The following PPP3CC variants were observed in gnomAD, a reference collection of about 807,000 sequenced individuals.
PPP3CC encodes the protein protein phosphatase 3 catalytic subunit gamma, also known as serine/threonine-protein phosphatase 2B catalytic subunit gamma isoform.
Under a neutral mutation model 60.3 loss-of-function variants are expected in PPP3CC, and 35 were observed. The observed-to-expected ratio is 0.58, with a 90% CI of 0.44 to 0.77. PPP3CC has a LOEUF of 0.77. Among genes scored for constraint, PPP3CC ranks in the 30% least tolerant of loss-of-function variants. The probability of loss-of-function intolerance (pLI) is 0.00; values close to 1 mark genes in which losing one functional copy is unlikely to be tolerated. For missense variants in PPP3CC, 570 were observed against 628.9 expected (o/e 0.91, Z 1.00); for synonymous variants, 206 against 224.3 (o/e 0.92, Z 0.73).
intron 3 of PPP3CC, among the ~76,000 whole-genome samples, chr8:22,486,324 A>G (rs1441212781): frequency 6.6e-6 from 1 of 152,114 alleles, no homozygotes; most frequent in Non-Finnish European, 1.5e-5. Flanking sequence ...TCCCAGCCCC[A>G]GGGAATGAAT....
At chr8:22,504,797 C>G (rs1838864697) in intron 4 of PPP3CC, among the ~76,000 whole-genome samples, 4 of 149,356 alleles carry the variant, frequency 2.7e-5, no homozygotes, top group Admixed American at 2.0e-4. Context: ...TTACTACAGC[C>G]TCAACCTCCC....
intron 1 of PPP3CC, among the ~76,000 whole-genome samples, chr8:22,442,550 T>G (rs4872503): frequency 0.01 from 1,534 of 152,332 alleles, 28 homozygotes; most frequent in East Asian, 0.085. Flanking sequence ...TCATAAATGT[T>G]AATTATCTGT....
intron 3 of PPP3CC, among the ~76,000 whole-genome samples, chr8:22,476,898 C>G (rs558233235): frequency 1.3e-5 from 2 of 149,284 alleles, no homozygotes; most frequent in South Asian, 2.1e-4. Context: ...CGCCTCTGCA[C>G]TCCAGCCTGG....
chr8:22,484,408 T>C (rs1243438674), intron 3 of PPP3CC, among the ~76,000 whole-genome samples: 1 of 152,156 alleles, frequency 6.6e-6, no homozygotes, highest in Non-Finnish European at 1.5e-5. Context: ...ATGGCTTTTG[T>C]TTTAGAGTTT....
intron 8 of PPP3CC, among the ~76,000 whole-genome samples, chr8:22,524,343 C>T (rs1839484796): frequency 6.6e-6 from 1 of 152,164 alleles, no homozygotes; most frequent in African/African-American, 2.4e-5. Context: ...TGGCACATCT[C>T]ATTTAAATCC....
At chr8:22,458,311 A>G (rs1158809380) in intron 1 of PPP3CC, among the ~76,000 whole-genome samples, 1 of 151,890 alleles carries the variant, frequency 6.6e-6, no homozygotes, top group African/African-American at 2.4e-5. Flanking sequence ...CTATTAACAA[A>G]TATCAGCTGG....
Position 22,540,771 on chromosome 8 carries a change from G to A in PPP3CC, c.1508G>A (p.Arg503Lys). The A allele has an allele frequency of 2.5e-6, 4 of 1,613,190 alleles. No individual in the cohort carries two copies. Among genetic ancestry groups the A allele is most frequent in the Non-Finnish European group, 3.4e-6 (4 of 1,179,602 alleles). Residue 503 changes from arginine to lysine, a missense_variant, in exon 14 of 14, where the codon AGG becomes AAG. Arg to Lys is a conservative substitution (Grantham distance 26). Coordinates refer to ENST00000240139, the MANE Select transcript of PPP3CC (RefSeq NM_005605.5). ...VTSAHSHAAH[R>K]SDQGKKAHS is the part of the protein sequence containing the mutation. ...TCAGCACACTCACATGCTGCGCACA[G>A]GAGCGACCAAGGGAAGAAAGCCCAT... is the stretch of plus-strand genomic sequence containing the variant.
intron 2 of PPP3CC, 33 bp downstream of exon 2, chr8:22,475,184 A>C (rs886758169): frequency 6.4e-7 from 1 of 1,555,496 alleles, no homozygotes; most frequent in Non-Finnish European, 8.8e-7. Context: ...ACTTTTTTAC[A>C]GTATAGATTT....
intron 3 of PPP3CC, among the ~76,000 whole-genome samples, chr8:22,492,045 T>C (rs1409896639): frequency 6.6e-6 from 1 of 152,116 alleles, no homozygotes; most frequent in Non-Finnish European, 1.5e-5. Context: ...GATTTTGCTG[T>C]TGTGAAATCA....
At chr8:22,535,322 T>C (rs1839819011) in intron 12 of PPP3CC, among the ~76,000 whole-genome samples, 1 of 152,094 alleles carries the variant, frequency 6.6e-6, no homozygotes, top group African/African-American at 2.4e-5. Context: ...AGAATAAACA[T>C]GCAAGGGGAA....
At chr8:22,474,645 A>G (rs781076156) in intron 1 of PPP3CC, among the ~76,000 whole-genome samples, 5 of 152,222 alleles carry the variant, frequency 3.3e-5, no homozygotes, top group Non-Finnish European at 7.3e-5. Context: ...CGGAGGTTGC[A>G]GTGAGCTGAG....
intron 6 of PPP3CC, among the ~76,000 whole-genome samples, chr8:22,517,574 A>G (rs573538780): frequency 3.0e-4 from 45 of 152,098 alleles, no homozygotes; most frequent in Admixed American, 1.2e-3. Flanking sequence ...CTATTTCTTC[A>G]TGATTCAGTT....
chr8:22,501,670 C>A (rs906657527), intron 4 of PPP3CC, among the ~76,000 whole-genome samples: 1 of 152,174 alleles, frequency 6.6e-6, no homozygotes. Context: ...CTGACCTTCT[C>A]TTCTGTGATC....
At chr8:22,445,144 A>T (rs963348223) in intron 1 of PPP3CC, among the ~76,000 whole-genome samples, 1 of 152,162 alleles carries the variant, frequency 6.6e-6, no homozygotes, top group East Asian at 1.9e-4. Context: ...GTACTGTACC[A>T]TTTTTACCAC....
chr8:22,530,063 A>T (rs1839660978), intron 10 of PPP3CC, among the ~76,000 whole-genome samples: 1 of 152,172 alleles, frequency 6.6e-6, no homozygotes, highest in Non-Finnish European at 1.5e-5. Flanking sequence ...CCCTTTGGGA[A>T]TCTAGAGGAA....
At chr8:22,463,651 G>C (rs1241398230) in intron 1 of PPP3CC, among the ~76,000 whole-genome samples, 3 of 152,292 alleles carry the variant, frequency 2.0e-5, no homozygotes, top group Non-Finnish European at 4.4e-5. Flanking sequence ...GGAGGACATT[G>C]ACAGTCTCTA....
At chr8:22,516,736 G>T (rs1307557953) in intron 6 of PPP3CC, among the ~76,000 whole-genome samples, 1 of 152,162 alleles carries the variant, frequency 6.6e-6, no homozygotes, top group African/African-American at 2.4e-5. Flanking sequence ...GATGTTTTAT[G>T]TTTTTGTGCT....
At chr8:22,487,869 G>C (rs562563462) in intron 3 of PPP3CC, among the ~76,000 whole-genome samples, 1 of 152,316 alleles carries the variant, frequency 6.6e-6, no homozygotes, top group South Asian at 2.1e-4. Context: ...AATGATTCTG[G>C]AGGCAGAGTA....
At chr8:22,472,360 A>T (rs1218555406) in intron 1 of PPP3CC, among the ~76,000 whole-genome samples, 1 of 137,544 alleles carries the variant, frequency 7.3e-6, no homozygotes, top group Admixed American at 7.4e-5. Flanking sequence ...TTTGGTAAAA[A>T]TGAACACACA....
Sources: gnomAD v4.1 joint callset for allele counts (sites outside exome capture counted in the v4.1 genomes callset) on GRCh38, gnomAD v4.1.1 for gene constraint, MANE v1.5 for transcripts, NCBI Gene and HGNC (gene_info 2026-07-23, HGNC 2026-07-21) for gene names.